The following CFAP61 variants were observed in gnomAD, a reference collection of about 807,000 sequenced individuals.
The protein encoded by CFAP61 is cilia and flagella associated protein 61, also known as cilia- and flagella-associated protein 61.
Under a neutral mutation model 135.6 loss-of-function variants are expected in CFAP61, and 107 were observed. The ratio of observed to expected loss-of-function variants is 0.79; its 90% CI spans 0.67 to 0.93. The LOEUF (loss-of-function observed/expected upper bound fraction) is 0.93. CFAP61 is among the 40% of genes least tolerant of loss of function. The pLI, the probability that CFAP61 is intolerant of heterozygous loss-of-function variation, is 0.00. For synonymous variants in CFAP61, 575 were observed against 578.5 expected (o/e 0.99, Z 0.09); for missense variants, 1,507 against 1,556.2 (o/e 0.97, Z 0.53).
intron 6 of CFAP61, among the ~76,000 whole-genome samples, chr20:20,082,700 G>T (rs1259249233): frequency 6.6e-6 from 1 of 152,114 alleles, no homozygotes; most frequent in African/African-American, 2.4e-5. Flanking sequence ...TGATAACAAT[G>T]GTTGATTAAA....
At chr20:20,053,882 GT>G (rs1426025331) in intron 1 of CFAP61, among the ~76,000 whole-genome samples, 1 of 152,038 alleles carries the variant, frequency 6.6e-6, no homozygotes, top group African/African-American at 2.4e-5. Flanking sequence ...TGAATCATTG[GT>G]TTAATCATCT....
chr20:20,339,783 C>T (rs1209731589), intron 25 of CFAP61, among the ~76,000 whole-genome samples: 1 of 152,086 alleles, frequency 6.6e-6, no homozygotes, highest in East Asian at 1.9e-4. Flanking sequence ...ATACCTGGTT[C>T]CTAAAACTTT....
intron 21 of CFAP61, 138 bp from the exon 22 acceptor site, chr20:20,277,028 C>T (rs1218211141): frequency 1.8e-5 from 11 of 607,292 alleles, no homozygotes; most frequent in African/African-American, 3.7e-5. Flanking sequence ...TCTTGGTCGC[C>T]GTTGCTAGGT....
intron 6 of CFAP61, among the ~76,000 whole-genome samples, chr20:20,077,950 A>C (rs780033316): frequency 1.6e-4 from 24 of 152,338 alleles, no homozygotes; most frequent in Admixed American, 7.8e-4. Flanking sequence ...ATCAGGAAAA[A>C]TGCCTGGAAA....
chr20:20,331,490 A>T (rs2122308670), intron 25 of CFAP61, among the ~76,000 whole-genome samples: 2 of 151,942 alleles, frequency 1.3e-5, no homozygotes, highest in South Asian at 4.2e-4. Flanking sequence ...AATTATTTTT[A>T]ACATGTATTC....
At chr20:20,341,088 C>T (rs2058428695) in intron 25 of CFAP61, among the ~76,000 whole-genome samples, 1 of 152,164 alleles carries the variant, frequency 6.6e-6, no homozygotes, top group Admixed American at 6.5e-5. Flanking sequence ...ATAAGGGCAG[C>T]TAGCTCACAT....
chr20:20,159,337 T>A (rs1325071856), intron 9 of CFAP61, 33 bp from the exon 10 acceptor site: 1 of 1,609,408 alleles, frequency 6.2e-7, no homozygotes, highest in African/African-American at 1.3e-5. Flanking sequence ...TAGGTGTCGA[T>A]TAATTTTCAT....
At chr20:20,328,031 G>A (rs6136998) in intron 25 of CFAP61, among the ~76,000 whole-genome samples, 2 of 151,984 alleles carry the variant, frequency 1.3e-5, no homozygotes, top group African/African-American at 4.8e-5. Context: ...ATGCGGAAGC[G>A]CCAGCTGTGG....
At chr20:20,141,922 A>T (rs933428030) in intron 8 of CFAP61, among the ~76,000 whole-genome samples, 3 of 152,110 alleles carry the variant, frequency 2.0e-5, no homozygotes, top group Non-Finnish European at 4.4e-5. Context: ...CATCTGTGGC[A>T]GCGCTTCTGA....
At chr20:20,337,799 A>C (rs2122350658) in intron 25 of CFAP61, among the ~76,000 whole-genome samples, 1 of 152,302 alleles carries the variant, frequency 6.6e-6, no homozygotes, top group Admixed American at 6.5e-5. Context: ...CCTCTCACCC[A>C]GACCTCTTGC....
chr20:20,170,046 C>T (rs1240211169), intron 13 of CFAP61, among the ~76,000 whole-genome samples: 4 of 152,180 alleles, frequency 2.6e-5, no homozygotes, highest in Non-Finnish European at 5.9e-5. Context: ...CCTGCCTTTT[C>T]AAGGCTTATG....
At chr20:20,315,473 C>G (rs561431850) in intron 25 of CFAP61, among the ~76,000 whole-genome samples, 2 of 152,148 alleles carry the variant, frequency 1.3e-5, no homozygotes, top group Admixed American at 1.3e-4. Context: ...AAAATTTTCT[C>G]GCATTGTGTA....
chr20:20,089,481 G>A (rs2047028024), intron 6 of CFAP61, among the ~76,000 whole-genome samples: 1 of 151,722 alleles, frequency 6.6e-6, no homozygotes, highest in Non-Finnish European at 1.5e-5. Context: ...GATGAAGATG[G>A]TAGCATAGTA....
chr20:20,122,319 C>G (rs1394778899), intron 8 of CFAP61, among the ~76,000 whole-genome samples: 1 of 152,092 alleles, frequency 6.6e-6, no homozygotes, highest in Non-Finnish European at 1.5e-5. Flanking sequence ...CCACACCCAG[C>G]TAATTTTTGT....
intron 21 of CFAP61, among the ~76,000 whole-genome samples, chr20:20,275,101 C>T (rs899479076): frequency 1.6e-4 from 24 of 152,138 alleles, no homozygotes; most frequent in African/African-American, 5.6e-4. Context: ...TTGACATGTG[C>T]CTGGGCCCTT....
chr20:20,290,948 C>T (rs555510006), intron 24 of CFAP61, among the ~76,000 whole-genome samples: 3 of 152,236 alleles, frequency 2.0e-5, no homozygotes, highest in African/African-American at 4.8e-5. Context: ...TCCCAGAGAC[C>T]GTGAGATAAT....
intron 21 of CFAP61, among the ~76,000 whole-genome samples, chr20:20,266,365 G>A (rs1413508041): frequency 6.6e-6 from 1 of 152,148 alleles, no homozygotes; most frequent in Non-Finnish European, 1.5e-5. Flanking sequence ...GACATCTACA[G>A]TACCATACTT....
chr20:20,354,058 A>T (rs756187238), intron 26 of CFAP61, among the ~76,000 whole-genome samples: 2 of 152,256 alleles, frequency 1.3e-5, no homozygotes, highest in Non-Finnish European at 2.9e-5. Flanking sequence ...TAGCCAGGAC[A>T]TGAAATGAAC....
At chr20:20,055,583 TTTC>T (rs2044253349) in intron 1 of CFAP61, among the ~76,000 whole-genome samples, 2 of 152,206 alleles carry the variant, frequency 1.3e-5, no homozygotes, top group South Asian at 4.1e-4. Flanking sequence ...GCTCGCTTTC[TTTC>T]TTCTTTTCTT....
Sources: gnomAD v4.1 joint callset for allele counts (sites outside exome capture counted in the v4.1 genomes callset) on GRCh38, gnomAD v4.1.1 for gene constraint, MANE v1.5 for transcripts, NCBI Gene and HGNC (gene_info 2026-07-23, HGNC 2026-07-21) for gene names.